Variants in CADPS observed in about 807,000 individuals in gnomAD.
CADPS encodes calcium-dependent secretion activator 1.
In CADPS, 57 loss-of-function variants were observed where a neutral mutation model predicts 167.3. That is an observed-to-expected ratio of 0.34 (90% CI 0.28 to 0.42). The LOEUF (loss-of-function observed/expected upper bound fraction) is 0.42, where lower values mean the gene tolerates loss of function less well. Ranked by LOEUF, CADPS falls within the 20% of genes least tolerant of loss-of-function variation. The pLI, the probability that CADPS is intolerant of heterozygous loss-of-function variation, is 1.00. For synonymous variants in CADPS, 676 were observed against 635.3 expected, an observed-to-expected ratio of 1.06 and a Z score of -0.96; for missense variants, 1,414 against 1,738.1, an observed-to-expected ratio of 0.81 and a Z score of 3.32.
intron 17 of CADPS, among the ~76,000 whole-genome samples, chr3:62,505,950 A>G (rs2066603390): frequency 1.3e-5 from 2 of 152,194 alleles, no homozygotes; most frequent in Admixed American, 1.3e-4. Context: ...TTTTCAGTAT[A>G]CATACAAACT....
chr3:62,518,762 A>G (rs913678257), intron 13 of CADPS, among the ~76,000 whole-genome samples: 2 of 152,062 alleles, frequency 1.3e-5, no homozygotes, highest in African/African-American at 4.8e-5. Context: ...GGGGTCCCTG[A>G]ATTATGCACA....
chr3:62,599,805 ATAAATAATATAT>A, intron 6 of CADPS, among the ~76,000 whole-genome samples: 1 of 6,658 alleles, frequency 1.5e-4, no homozygotes, highest in Non-Finnish European at 3.1e-4. Context: ...ATAATATATA[ATAAATAATATAT>A]TATATATTAT....
chr3:62,738,657 C>T (rs943973655), intron 3 of CADPS, among the ~76,000 whole-genome samples: 22 of 151,984 alleles, frequency 1.4e-4, no homozygotes, highest in African/African-American at 3.9e-4. Flanking sequence ...AACTGGGAGG[C>T]GGAGGTTGCA....
intron 9 of CADPS, among the ~76,000 whole-genome samples, chr3:62,558,512 C>T (rs746372384): frequency 5.9e-5 from 9 of 152,208 alleles, no homozygotes; most frequent in East Asian, 1.9e-4. Context: ...ATCCCTCATC[C>T]CTTAGTTTCC....
chr3:62,851,108 T>A (rs1485051877), intron 1 of CADPS, among the ~76,000 whole-genome samples: 1 of 123,240 alleles, frequency 8.1e-6, no homozygotes, highest in Non-Finnish European at 1.7e-5. Context: ...CCTGCCTTTT[T>A]TTGTTTTCCA....
chr3:62,821,840 A>G (rs1300691990), intron 1 of CADPS, among the ~76,000 whole-genome samples: 1 of 152,198 alleles, frequency 6.6e-6, no homozygotes. Flanking sequence ...TCAAGGTATC[A>G]TAAGACCTGG....
At chr3:62,835,884 G>T (rs1191633570) in intron 1 of CADPS, among the ~76,000 whole-genome samples, 1 of 152,118 alleles carries the variant, frequency 6.6e-6, no homozygotes, top group African/African-American at 2.4e-5. Context: ...TTTTGTTACT[G>T]GGGGAGTCAA....
At chr3:62,795,917 C>T (rs1312563787) in intron 1 of CADPS, among the ~76,000 whole-genome samples, 9 of 152,162 alleles carry the variant, frequency 5.9e-5, no homozygotes, top group Non-Finnish European at 1.0e-4. Flanking sequence ...GGAACAACAT[C>T]AACAGGGGTA....
chr3:62,605,468 C>T (rs2060571946), intron 6 of CADPS, among the ~76,000 whole-genome samples: 1 of 152,212 alleles, frequency 6.6e-6, no homozygotes. Flanking sequence ...GTAAAGTGGT[C>T]ACATGAATAG....
intron 1 of CADPS, among the ~76,000 whole-genome samples, chr3:62,816,759 A>G (rs2094634785): frequency 6.6e-6 from 1 of 152,080 alleles, no homozygotes; most frequent in Admixed American, 6.6e-5. Flanking sequence ...TTTCTCTTAG[A>G]GCAAACCAAA....
intron 1 of CADPS, among the ~76,000 whole-genome samples, chr3:62,867,855 G>C (rs2081984063): frequency 6.6e-6 from 1 of 151,938 alleles, no homozygotes; most frequent in South Asian, 2.1e-4. Flanking sequence ...CAATGATCAA[G>C]GTACCACTAC....
At chr3:62,619,230 C>T (rs2062797254) in intron 6 of CADPS, among the ~76,000 whole-genome samples, 1 of 152,158 alleles carries the variant, frequency 6.6e-6, no homozygotes, top group Non-Finnish European at 1.5e-5. Context: ...TACAGTGGTA[C>T]CTGCAGCATA....
In CADPS at chr3:62,739,141, G is replaced by C. The variant is rs570593693; in HGVS notation, c.888+14300C>G. ...TAGAATACAGTGGAAGCAACAGTAT[G>C]ACAGTTCTGAACTAAGACTTCCAGA... On this transcript the variant is annotated intron_variant, in intron 3 of 29. Coordinates refer to ENST00000383710, the MANE Select transcript of CADPS (RefSeq NM_003716.4). 3.9e-5 allele frequency among the ~76,000 whole-genome samples: 6 copies of C among 152,272 alleles called. No homozygotes were observed. In the East Asian group the frequency reaches 1.2e-3, roughly 29 times the overall value.
intron 29 of CADPS, 48 bp downstream of exon 29, chr3:62,403,033 T>C: frequency 8.2e-7 from 1 of 1,213,946 alleles, no homozygotes; most frequent in Middle Eastern, 1.9e-4. Context: ...CAGTGAAATA[T>C]ATTTCAGTAA....
chr3:62,669,125 T>C (rs1369545048), intron 3 of CADPS, among the ~76,000 whole-genome samples: 1 of 152,210 alleles, frequency 6.6e-6, no homozygotes, highest in Non-Finnish European at 1.5e-5. Context: ...GCAAGCCACC[T>C]GCTGACCTGG....
intron 26 of CADPS, among the ~76,000 whole-genome samples, chr3:62,459,762 A>C (rs758475004): frequency 1.3e-5 from 2 of 152,180 alleles, no homozygotes; most frequent in African/African-American, 2.4e-5. Flanking sequence ...CATCTTATCC[A>C]TTGCTAACCC....
intron 6 of CADPS, among the ~76,000 whole-genome samples, chr3:62,626,968 G>T (rs971171966): frequency 6.6e-6 from 1 of 151,932 alleles, no homozygotes; most frequent in Non-Finnish European, 1.5e-5. Context: ...AAAAAGGGAG[G>T]GTGTCTTACA....
At chr3:62,796,565 C>T (rs1366997665) in intron 1 of CADPS, 1 of 152,104 alleles carries the variant, frequency 6.6e-6, no homozygotes, top group Non-Finnish European at 1.5e-5. Flanking sequence ...CTTAAAAAGA[C>T]ATTAAAAATT....
intron 6 of CADPS, among the ~76,000 whole-genome samples, chr3:62,594,315 C>T (rs996451213): frequency 6.6e-6 from 1 of 151,284 alleles, no homozygotes; most frequent in Non-Finnish European, 1.5e-5. Context: ...GCGCCCGCCA[C>T]TATGCCCGGC....
Sources: gnomAD v4.1 joint callset for allele counts (sites outside exome capture counted in the v4.1 genomes callset) on GRCh38, gnomAD v4.1.1 for gene constraint, MANE v1.5 for transcripts, NCBI Gene and HGNC (gene_info 2026-07-23, HGNC 2026-07-21) for gene names.